The following HSD17B12 variants were observed in gnomAD, a reference collection of about 807,000 sequenced individuals.
HSD17B12 encodes very-long-chain 3-oxoacyl-CoA reductase.
In HSD17B12, 32 loss-of-function variants were observed where a neutral mutation model predicts 39.3. That is an observed-to-expected ratio of 0.81 (90% CI 0.61 to 1.09). The LOEUF is 1.09. HSD17B12 is among the 50% of genes least tolerant of loss of function. The probability of loss-of-function intolerance (pLI) is 0.00; values close to 1 mark genes in which losing one functional copy is unlikely to be tolerated. For missense variants in HSD17B12, 342 were observed against 382.9 expected (o/e 0.89, Z 0.89); for synonymous variants, 150 against 146.7 (o/e 1.02, Z -0.16).
chr11:43,663,077 T>C, the HSD17B12 span, among the ~76,000 whole-genome samples: 1 of 151,082 alleles, frequency 6.6e-6, no homozygotes, highest in Non-Finnish European at 1.5e-5. Flanking sequence ...GGTCTTGCCT[T>C]GTTGTTTAAT....
chr11:43,801,595 G>GATATATATGT (rs1554968985), intron 4 of HSD17B12, among the ~76,000 whole-genome samples: 5 of 72,788 alleles, frequency 6.9e-5, no homozygotes, highest in Admixed American at 5.8e-4. Flanking sequence ...GATAGTTGGA[G>GATATATATGT]ATATATATAT....
intron 3 of HSD17B12, among the ~76,000 whole-genome samples, chr11:43,771,365 G>A (rs1229167391): frequency 1.3e-5 from 2 of 151,228 alleles, no homozygotes; most frequent in South Asian, 2.1e-4. Context: ...TATCAATAAC[G>A]TGACTATGAA....
At chr11:43,811,583 T>C (rs922088085) in intron 4 of HSD17B12, among the ~76,000 whole-genome samples, 5 of 152,118 alleles carry the variant, frequency 3.3e-5, no homozygotes, top group African/African-American at 1.2e-4. Context: ...TTTTCTCTCT[T>C]TTTTTTAACA....
At chr11:43,640,664 A>T in the HSD17B12 span, among the ~76,000 whole-genome samples, 4 of 152,078 alleles carry the variant, frequency 2.6e-5, no homozygotes, top group Non-Finnish European at 4.4e-5. Flanking sequence ...AGGCTAGTTA[A>T]TTATTTAAAT....
At chr11:43,680,506 G>T (rs889174356), upstream of HSD17B12, 4 of 384,636 alleles carry the variant, frequency 1.0e-5, no homozygotes, top group Admixed American at 4.5e-5. Context: ...CGCGAGTACG[G>T]CTGCAGCCAA....
At chr11:43,592,179 A>G in the HSD17B12 span, among the ~76,000 whole-genome samples, 1 of 152,092 alleles carries the variant, frequency 6.6e-6, no homozygotes, top group Non-Finnish European at 1.5e-5. Flanking sequence ...ATCTTAATAT[A>G]ACACATCAAA....
intron 1 of HSD17B12, among the ~76,000 whole-genome samples, chr11:43,745,353 G>C (rs968451007): frequency 5.9e-5 from 9 of 152,132 alleles, no homozygotes; most frequent in Non-Finnish European, 1.2e-4. Flanking sequence ...GTGACTTTAT[G>C]TAGTTTCATT....
At chr11:43,668,025 G>C in the HSD17B12 span, among the ~76,000 whole-genome samples, 451 of 152,234 alleles carry the variant, frequency 3.0e-3, 2 homozygotes, top group African/African-American at 0.01. Context: ...TGGTGAGCAA[G>C]GTAGGAGGCT....
chr11:43,707,524 C>G (rs911467813), intron 1 of HSD17B12, among the ~76,000 whole-genome samples: 2 of 152,178 alleles, frequency 1.3e-5, no homozygotes, highest in Non-Finnish European at 2.9e-5. Context: ...CTAGAATACT[C>G]TTCTGAGAGA....
chr11:43,806,318 A>G (rs1391672171), intron 4 of HSD17B12: 1 of 152,208 alleles, frequency 6.6e-6, no homozygotes, highest in African/African-American at 2.4e-5. Flanking sequence ...ATCCTGGGTC[A>G]TCTTGATTCC....
the HSD17B12 span, among the ~76,000 whole-genome samples, chr11:43,659,690 A>C: frequency 2.6e-5 from 4 of 152,244 alleles, no homozygotes; most frequent in Non-Finnish European, 5.9e-5. Flanking sequence ...AAAAGGAAGA[A>C]AATATTTGCA....
chr11:43,845,063 G>A (rs1399297448), intron 9 of HSD17B12, among the ~76,000 whole-genome samples: 2 of 151,932 alleles, frequency 1.3e-5, no homozygotes, highest in African/African-American at 4.8e-5. Flanking sequence ...GAGCTATCAT[G>A]GCTCACTAGA....
intron 4 of HSD17B12, among the ~76,000 whole-genome samples, chr11:43,801,603 T>G (rs1426116332): frequency 1.5e-4 from 2 of 13,218 alleles, no homozygotes; most frequent in Non-Finnish European, 1.8e-4. Context: ...GAGATATATA[T>G]ATATATATAT....
At chr11:43,816,585 T>C (rs17599085) in intron 6 of HSD17B12, among the ~76,000 whole-genome samples, 194 bp downstream of exon 6, 7,449 of 152,144 alleles carry the variant, frequency 0.049, 209 homozygotes, top group Non-Finnish European at 0.054. Flanking sequence ...CTGTATTATT[T>C]GACTTTTCAT....
At chr11:43,701,614 C>T (rs958754166) in intron 1 of HSD17B12, among the ~76,000 whole-genome samples, 1 of 152,108 alleles carries the variant, frequency 6.6e-6, no homozygotes, top group Non-Finnish European at 1.5e-5. Context: ...ATTCTTGGCA[C>T]CTTTGTTGAA....
chr11:43,780,269 G>A (rs1410307250), intron 3 of HSD17B12, among the ~76,000 whole-genome samples: 2 of 152,214 alleles, frequency 1.3e-5, no homozygotes, highest in South Asian at 2.1e-4. Context: ...GAGTTCAAGC[G>A]ATTCTCCTGC....
At chr11:43,636,469 G>T in the HSD17B12 span, among the ~76,000 whole-genome samples, 1 of 151,890 alleles carries the variant, frequency 6.6e-6, no homozygotes, top group East Asian at 1.9e-4. Flanking sequence ...ATGAGATAGA[G>T]GATATATTAA....
the HSD17B12 span, among the ~76,000 whole-genome samples, chr11:43,654,103 G>A: frequency 2.3e-3 from 354 of 152,076 alleles, 3 homozygotes; most frequent in African/African-American, 8.2e-3. Context: ...GGTGTGAGAT[G>A]GTATCTCATT....
At chr11:43,757,619 G>C (rs912935914) in intron 3 of HSD17B12, among the ~76,000 whole-genome samples, 1 of 94,422 alleles carries the variant, frequency 1.1e-5, no homozygotes, top group East Asian at 3.3e-4. Flanking sequence ...CGGCCTGGGC[G>C]ACAGAGCGAG....
Sources: gnomAD v4.1 joint callset for allele counts (sites outside exome capture counted in the v4.1 genomes callset) on GRCh38, gnomAD v4.1.1 for gene constraint, MANE v1.5 for transcripts, NCBI Gene and HGNC (gene_info 2026-07-23, HGNC 2026-07-21) for gene names.